UNC13C: variants seen among roughly 807,000 people sequenced by gnomAD.
UNC13C encodes the protein unc-13 homolog C.
In UNC13C, 174 loss-of-function variants were observed where a neutral mutation model predicts 245.4. The ratio of observed to expected loss-of-function variants is 0.71; its 90% CI spans 0.63 to 0.80. UNC13C has a LOEUF of 0.80. UNC13C is among the 30% of genes least tolerant of loss of function. The probability of loss-of-function intolerance (pLI) is 0.00; values close to 1 mark genes in which losing one functional copy is unlikely to be tolerated. For synonymous variants in UNC13C, 992 were observed against 895.1 expected, an observed-to-expected ratio of 1.11 and a Z score of -1.93; for missense variants, 2,829 against 2,602.9, an observed-to-expected ratio of 1.09 and a Z score of -1.89.
At chr15:53,984,625 C>T (rs1894055963) in intron 1 of UNC13C, among the ~76,000 whole-genome samples, 1 of 152,086 alleles carries the variant, frequency 6.6e-6, no homozygotes, top group South Asian at 2.1e-4. Flanking sequence ...TCTCAGTGAG[C>T]ACTGGCTGTA....
intron 17 of UNC13C, among the ~76,000 whole-genome samples, chr15:54,374,324 G>T (rs1311459221): frequency 6.6e-6 from 1 of 152,116 alleles, no homozygotes; most frequent in East Asian, 1.9e-4. Flanking sequence ...GTCAGCCCAG[G>T]TGCCCAGGCT....
intron 30 of UNC13C, among the ~76,000 whole-genome samples, chr15:54,592,063 A>G (rs540039954): frequency 6.6e-6 from 1 of 152,286 alleles, no homozygotes; most frequent in Admixed American, 6.5e-5. Context: ...CCCAATGCTC[A>G]TTCAGGAGCA....
intron 1 of UNC13C, among the ~76,000 whole-genome samples, chr15:53,988,595 G>A (rs1373048516): frequency 6.6e-6 from 1 of 151,842 alleles, no homozygotes; most frequent in Non-Finnish European, 1.5e-5. Context: ...AACAGGAATG[G>A]TCTGCTAGGG....
At chr15:54,326,097 G>A (rs930883897) in intron 14 of UNC13C, among the ~76,000 whole-genome samples, 4 of 152,002 alleles carry the variant, frequency 2.6e-5, no homozygotes, top group Non-Finnish European at 5.9e-5. Flanking sequence ...GACAAACTCT[G>A]TTCTGAAATT....
chr15:54,282,528 G>T (rs923273688), intron 10 of UNC13C, among the ~76,000 whole-genome samples: 2 of 152,130 alleles, frequency 1.3e-5, no homozygotes, highest in African/African-American at 4.8e-5. Flanking sequence ...CCAGGTGAGG[G>T]TGCCCACGAC....
At chr15:54,608,957 T>G (rs1344382156) in intron 30 of UNC13C, among the ~76,000 whole-genome samples, 1 of 152,216 alleles carries the variant, frequency 6.6e-6, no homozygotes, top group Non-Finnish European at 1.5e-5. Flanking sequence ...TGCCTGCTTC[T>G]TGCAGAGTGG....
the UNC13C span, among the ~76,000 whole-genome samples, chr15:53,859,402 T>C: frequency 6.6e-6 from 1 of 152,138 alleles, no homozygotes; most frequent in African/African-American, 2.4e-5. Context: ...ACTACTGAAA[T>C]TACAAGAAAA....
At chr15:53,973,097 G>A in the UNC13C span, among the ~76,000 whole-genome samples, 39 of 152,222 alleles carry the variant, frequency 2.6e-4, no homozygotes, top group Admixed American at 2.5e-3. Context: ...AGAAAACTGA[G>A]GCTCAGGGAG....
chr15:54,206,947 G>T (rs1264331323), intron 4 of UNC13C, among the ~76,000 whole-genome samples: 3 of 152,170 alleles, frequency 2.0e-5, no homozygotes, highest in African/African-American at 7.2e-5. Flanking sequence ...TGCTGAGGTT[G>T]TTAAAATATA....
rs1049957779 is a variant in UNC13C, at chr15:54,393,032, G to A, written c.4714-16G>A. 17 of 1,567,068 alleles carry A rather than the reference G, an allele frequency of 1.1e-5. No homozygotes were observed. The highest frequency in any genetic ancestry group is 8.0e-5 in the Admixed American group (4 of 49,976). On this transcript the variant is annotated splice_polypyrimidine_tract_variant and intron_variant, in intron 17 of 32. Coordinates refer to ENST00000260323, the MANE Select transcript of UNC13C (RefSeq NM_001080534.3). ...TTTAACCTTTTCTTTTGCATGTTGC[G>A]TGAACTTGTGAGCAGAGTAAGAAAC...
At chr15:54,475,717 T>G (rs1892703349) in intron 19 of UNC13C, among the ~76,000 whole-genome samples, 1 of 138,588 alleles carries the variant, frequency 7.2e-6, no homozygotes, top group South Asian at 2.6e-4. Context: ...TTGTTGGACA[T>G]CTGGGTTGGT....
At chr15:54,393,877 A>G (rs1179794486) in intron 18 of UNC13C, among the ~76,000 whole-genome samples, 2 of 151,896 alleles carry the variant, frequency 1.3e-5, no homozygotes, top group African/African-American at 4.8e-5. Flanking sequence ...AATATTGCAT[A>G]TTTAGATTTT....
At chr15:54,190,310 T>C (rs550731761) in intron 4 of UNC13C, among the ~76,000 whole-genome samples, 6 of 152,152 alleles carry the variant, frequency 3.9e-5, no homozygotes, top group Non-Finnish European at 8.8e-5. Flanking sequence ...AGGTAATTCC[T>C]TTGGACAATA....
chr15:54,066,160 G>A (rs1057344138), intron 2 of UNC13C, among the ~76,000 whole-genome samples: 1 of 152,174 alleles, frequency 6.6e-6, no homozygotes, highest in Non-Finnish European at 1.5e-5. Context: ...TCTCACTTTT[G>A]TGGTGTCAAT....
intron 5 of UNC13C, 104 bp from the exon 6 acceptor site, chr15:54,236,326 T>C (rs2035698986): frequency 2.3e-6 from 2 of 864,186 alleles, no homozygotes; most frequent in East Asian, 2.5e-5. Flanking sequence ...TATGTGGAAA[T>C]AATTGTAAAG....
At chr15:54,225,016 A>G (rs548088977) in intron 4 of UNC13C, among the ~76,000 whole-genome samples, 1 of 141,770 alleles carries the variant, frequency 7.1e-6, no homozygotes, top group Admixed American at 6.9e-5. Flanking sequence ...CTCTGGTTTT[A>G]CTTGTGTCTT....
At chr15:54,197,177 G>GT (rs1391146004) in intron 4 of UNC13C, among the ~76,000 whole-genome samples, 1 of 152,114 alleles carries the variant, frequency 6.6e-6, no homozygotes, top group Non-Finnish European at 1.5e-5. Flanking sequence ...CAAATTATTA[G>GT]TTTTAATAAG....
chr15:54,062,587 G>T (rs1897893243), intron 2 of UNC13C, among the ~76,000 whole-genome samples: 1 of 152,152 alleles, frequency 6.6e-6, no homozygotes, highest in African/African-American at 2.4e-5. Flanking sequence ...CTTCAGGAAT[G>T]CTTTTTACCT....
the UNC13C span, among the ~76,000 whole-genome samples, chr15:53,964,782 G>A: frequency 6.6e-6 from 1 of 152,148 alleles, no homozygotes; most frequent in Non-Finnish European, 1.5e-5. Context: ...AAAGCCAGAT[G>A]AAGATTTGAA....
Sources: gnomAD v4.1 joint callset for allele counts (sites outside exome capture counted in the v4.1 genomes callset) on GRCh38, gnomAD v4.1.1 for gene constraint, MANE v1.5 for transcripts, NCBI Gene and HGNC (gene_info 2026-07-23, HGNC 2026-07-21) for gene names.